Variants in NLRP4 observed in about 807,000 individuals in gnomAD.
The protein encoded by NLRP4 is NLR family pyrin domain containing 4, also known as NACHT, LRR and PYD domains-containing protein 4.
NLRP4 carries 44 observed loss-of-function variants against 84.7 expected under a neutral mutation model. That is an observed-to-expected ratio of 0.52 (90% CI 0.41 to 0.67). The LOEUF (loss-of-function observed/expected upper bound fraction) is 0.67. Among genes scored for constraint, NLRP4 ranks in the 30% least tolerant of loss-of-function variants. NLRP4 has a pLI of 0.00. For synonymous variants in NLRP4, 544 were observed against 476.4 expected, an observed-to-expected ratio of 1.14 and a Z score of -1.85; for missense variants, 1,260 against 1,219.4, an observed-to-expected ratio of 1.03 and a Z score of -0.50.
chr19:55,838,793 A>G (rs1983494367), intron 1 of NLRP4, among the ~76,000 whole-genome samples: 1 of 152,302 alleles, frequency 6.6e-6, no homozygotes, highest in Admixed American at 6.5e-5. Context: ...TCTTCTAAAA[A>G]TAAAAATAAA....
At chr19:55,854,626 T>TA (rs1190403295) in intron 2 of NLRP4, among the ~76,000 whole-genome samples, 1 of 152,214 alleles carries the variant, frequency 6.6e-6, no homozygotes, top group African/African-American at 2.4e-5. Context: ...TGGTTTGAAA[T>TA]AAAATAATTT....
chr19:55,871,420 CAG>C (rs372322992), intron 7 of NLRP4, among the ~76,000 whole-genome samples: 2,072 of 152,244 alleles, frequency 0.014, 49 homozygotes, highest in African/African-American at 0.048. Context: ...ATGTGTGTAA[CAG>C]AGAATGCTTT....
intron 1 of NLRP4, among the ~76,000 whole-genome samples, chr19:55,844,282 C>CT (rs1568655236): frequency 6.6e-6 from 1 of 151,946 alleles, no homozygotes; most frequent in Non-Finnish European, 1.5e-5. Flanking sequence ...TTTCCCCTTT[C>CT]TTTTTTCTTT....
intron 7 of NLRP4, among the ~76,000 whole-genome samples, chr19:55,874,701 G>T (rs1294013230): frequency 3.3e-5 from 5 of 152,078 alleles, no homozygotes; most frequent in African/African-American, 1.2e-4. Flanking sequence ...TCTTACATCA[G>T]CTTTTTCAGG....
At chr19:55,857,284 AT>A (rs1169611903) in intron 2 of NLRP4, among the ~76,000 whole-genome samples, 1 of 151,362 alleles carries the variant, frequency 6.6e-6, no homozygotes, top group Non-Finnish European at 1.5e-5. Flanking sequence ...GTGTGTGTCT[AT>A]TGAAAGCAGA....
intron 1 of NLRP4, among the ~76,000 whole-genome samples, chr19:55,848,731 T>C (rs1421252855): frequency 6.6e-6 from 1 of 152,184 alleles, no homozygotes; most frequent in African/African-American, 2.4e-5. Flanking sequence ...GAAGTCTCTA[T>C]GTACAACCCA....
rs377112961 is a variant in NLRP4 at position 55,861,357 on chromosome 19, G to A, written c.1857-29G>A. On this transcript the variant is annotated intron_variant, in intron 3 of 9. Transcript: ENST00000301295. ...AGTGGCTCGTGTTGACCGCCTGCCTGTGGAAAGCTCGTCCTTTCTTGACCA... is the reference window on the plus strand; with the variant it reads ...AGTGGCTCGTGTTGACCGCCTGCCTATGGAAAGCTCGTCCTTTCTTGACCA... The A allele has an allele frequency of 1.9e-6, 3 of 1,606,094 alleles. No individual in the cohort carries two copies. In the African/African-American group the frequency reaches 4.0e-5, roughly 21 times the overall value.
chr19:55,852,130 A>G lies in NLRP4; in HGVS notation c.50A>G (p.Glu17Gly). 1 of 1,607,144 alleles carries G rather than the reference A, an allele frequency of 6.2e-7. No individual in the cohort carries two copies. Among genetic ancestry groups the G allele is most frequent in the East Asian group, 2.2e-5 (1 of 44,764 alleles). The stretch of plus-strand genomic sequence containing the variant: ...TTTGGTCTTATGTGGTATCTGGAGG[A>G]GCTCAAAAAGGAGGAGTTCAGGAAA... Reference protein sequence around the residue: ...SDFGLMWYLEELKKEEFRKFK... With the variant: ...SDFGLMWYLEGLKKEEFRKFK... The change falls in exon 2 of 10, where the codon GAG (glutamate) becomes GGG (glycine). Residue 17 changes from glutamate to glycine, a missense_variant. Physicochemically the swap from Glu to Gly is moderately conservative, Grantham distance 98. This residue lies in a region of NLRP4 where 712 missense variants were observed against 669.2 expected (regional missense o/e 1.06). Transcript: ENST00000301295.
At chr19:55,846,008 G>A (rs1349197375) in intron 1 of NLRP4, among the ~76,000 whole-genome samples, 1 of 152,136 alleles carries the variant, frequency 6.6e-6, no homozygotes, top group Admixed American at 6.5e-5. Flanking sequence ...CTTTTGCTGT[G>A]CAGAAGCTCT....
intron 1 of NLRP4, among the ~76,000 whole-genome samples, chr19:55,842,521 T>G (rs1278554290): frequency 7.3e-6 from 1 of 136,672 alleles, no homozygotes; most frequent in African/African-American, 3.3e-5. Flanking sequence ...GCACTTGATG[T>G]CCTTTTTCTT....
At chr19:55,860,370 G>A (rs181303845) in intron 3 of NLRP4, among the ~76,000 whole-genome samples, 15 of 152,312 alleles carry the variant, frequency 9.8e-5, no homozygotes, top group African/African-American at 2.9e-4. Context: ...AAGCCAGGGG[G>A]CTAAGACCAG....
chr19:55,847,926 A>C (rs1031931713), intron 1 of NLRP4, among the ~76,000 whole-genome samples: 1 of 152,076 alleles, frequency 6.6e-6, no homozygotes, highest in Non-Finnish European at 1.5e-5. Flanking sequence ...CATCTTGGTC[A>C]GGCTGGTCTC....
At position 55,849,952 on chromosome 19, in the gene NLRP4, AGACTGCGGTGTAATTTCCG is replaced by A. The variant is rs1568658161; in HGVS notation, c.-65-2063_-65-2045del. 2.1e-4 allele frequency among the ~76,000 whole-genome samples: 17 copies of A among 80,312 alleles called. 1 individual carries two copies. The highest frequency in any genetic ancestry group is 4.0e-4 in the South Asian group (1 of 2,498). The allele number at this position is 80,312 out of a possible 152,430, so 52.7% of individuals were successfully genotyped here. ...TTCCGTAGCCGCGGTGTAATTTCCG[AGACTGCGGTGTAATTTCCG>A]TAGCTGCGGTGTAATTTCCGAGACT... is the stretch of plus-strand genomic sequence containing the variant. On this transcript the variant is annotated intron_variant, in intron 1 of 9. Transcript: ENST00000301295.
At chr19:55,871,761 A>G (rs994335741) in intron 7 of NLRP4, among the ~76,000 whole-genome samples, 1 of 152,150 alleles carries the variant, frequency 6.6e-6, no homozygotes, top group South Asian at 2.1e-4. Flanking sequence ...ATCTGGGCCA[A>G]TCGTTGGCAC....
At chr19:55,873,825 A>T (rs1053391686) in intron 7 of NLRP4, among the ~76,000 whole-genome samples, 1 of 152,184 alleles carries the variant, frequency 6.6e-6, no homozygotes, top group Admixed American at 6.5e-5. Flanking sequence ...TACTTCCCAT[A>T]TAGAGTCCAG....
intron 2 of NLRP4, chr19:55,857,321 A>G (rs1296394734): frequency 1.2e-5 from 3 of 244,854 alleles, no homozygotes; most frequent in East Asian, 6.1e-5. Context: ...CGTAGTAGCA[A>G]TGAATGTGTG....
In NLRP4 at chr19:55,858,264, G is replaced by T. The variant is rs148902972; in HGVS notation, c.871G>T (p.Val291Leu). 1.2e-6 allele frequency: 2 copies of T among 1,614,186 alleles called. No homozygotes were observed. Among genetic ancestry groups the T allele is most frequent in the Non-Finnish European group, 1.7e-6 (2 of 1,180,042 alleles). Residue 291 changes from valine to leucine, a missense_variant, in exon 3 of 10, where the codon GTG becomes TTG. Physicochemically the swap from Val to Leu is conservative, Grantham distance 32 (BLOSUM62 1). Around this residue, in one of 3 missense-constraint regions of NLRP4, gnomAD observed 712 missense variants for 669.2 expected, o/e 1.06. Coordinates refer to ENST00000301295, the MANE Select transcript of NLRP4 (RefSeq NM_134444.5). This position sits in a 1 kb window ranked among gnomAD's most constrained non-coding sequence, Gnocchi z 4.2. The part of the protein sequence containing the change: ...PVCPKELRDQ[V>L]TISEIYQPRG... ...GTGCCCGAAGGAGCTCCGGGATCAG[G>T]TGACGATCTCAGAAATCTACCAGCC...
chr19:55,881,764 T>C lies in NLRP4; in HGVS notation c.*177T>C. On this transcript the variant is annotated 3_prime_UTR_variant, in exon 10 of 10. Transcript: ENST00000301295. ...GTGGTTTTTATGTGCTCTGTGGCCT[T>C]GGATGAGTCACTGAAAGGCCTTCAT... 2 of 433,950 alleles carry C rather than the reference T, an allele frequency of 4.6e-6. No homozygotes were observed. Among genetic ancestry groups the C allele is most frequent in the Non-Finnish European group, 4.1e-6 (1 of 243,976 alleles). The allele number at this position is 433,950 out of a possible 1,614,324, so 26.9% of individuals were successfully genotyped here.
rs777582848 is a variant in NLRP4, at chr19:55,881,565, C to T, written c.2963C>T (p.Thr988Ile). Residue 988 changes from threonine (T) to isoleucine (I), a missense_variant, in exon 10 of 10, where the codon ACA (threonine) becomes ATA (isoleucine). Physicochemically the swap from Thr to Ile is moderately conservative, Grantham distance 89 (BLOSUM62 -1). This residue lies in a region of NLRP4 where 544 missense variants were observed against 531.7 expected (regional missense o/e 1.02). Coordinates refer to ENST00000301295, the MANE Select transcript of NLRP4 (RefSeq NM_134444.5). ...CTGACCATCACAGACGACTGTGACA[C>T]AATCACAAGGGTAGAGATCTGATTG... ...PNLTITDDCD[T>I]ITRVEI 1.3e-6 allele frequency: 2 copies of T among 1,578,128 alleles called. No homozygotes were observed. The highest frequency in any genetic ancestry group is 1.7e-6 in the Non-Finnish European group (2 of 1,147,452).
Sources: gnomAD v4.1 joint callset for allele counts (sites outside exome capture counted in the v4.1 genomes callset) on GRCh38, gnomAD v4.1.1 for gene constraint, gnomAD v4.1.1 regional missense constraint, Gnocchi (gnomAD v3.1) non-coding constraint, MANE v1.5 for transcripts, NCBI Gene and HGNC (gene_info 2026-07-23, HGNC 2026-07-21) for gene names.